XYLT1: variants seen among roughly 807,000 people sequenced by gnomAD.
The protein encoded by XYLT1 is beta-D-xylosyltransferase 1.
XYLT1 carries 36 observed loss-of-function variants against 91.3 expected under a neutral mutation model. The observed-to-expected ratio is 0.39, with a 90% confidence interval of 0.30 to 0.52. XYLT1 has a LOEUF of 0.52. Ranked by LOEUF, XYLT1 falls within the 20% of genes least tolerant of loss-of-function variation. XYLT1 has a pLI of 0.68. For synonymous variants in XYLT1, 588 were observed against 532.0 expected (o/e 1.11, Z -1.45); for missense variants, 1,242 against 1,284.5 (o/e 0.97, Z 0.51).
chr16:17,441,339 G>GA (rs1051935483), intron 1 of XYLT1, among the ~76,000 whole-genome samples: 3 of 151,934 alleles, frequency 2.0e-5, no homozygotes, highest in Non-Finnish European at 2.9e-5. Flanking sequence ...GGGTGTTACT[G>GA]AAAAAAACAC....
chr16:17,153,198 C>A (rs1354798314), intron 6 of XYLT1, among the ~76,000 whole-genome samples: 2 of 152,184 alleles, frequency 1.3e-5, no homozygotes, highest in African/African-American at 4.8e-5. Flanking sequence ...TATATTAATT[C>A]TTGCAACAAC....
intron 5 of XYLT1, among the ~76,000 whole-genome samples, chr16:17,183,715 G>A (rs1456221385): frequency 6.6e-6 from 1 of 152,206 alleles, no homozygotes; most frequent in Non-Finnish European, 1.5e-5. Flanking sequence ...AGCTACTGGA[G>A]TATGGCAGGT....
In XYLT1 at chr16:17,192,271, G is replaced by T. The variant is rs1428039201; in HGVS notation, c.1289+5941C>A. ...CCGCCACCACACCCAGCTACTTTTT[G>T]TATTTTTAGTAGAGATGGGGTTTTA... On this transcript the variant is annotated intron_variant, in intron 5 of 11. Transcript: ENST00000261381. Among the ~76,000 whole-genome samples the T allele has an allele frequency of 2.0e-5, 3 of 151,718 alleles. No individual in the cohort carries two copies. The East Asian group carries it at 5.8e-4, about 29-fold the overall frequency.
At chr16:17,330,634 A>T (rs985286091) in intron 2 of XYLT1, among the ~76,000 whole-genome samples, 6 of 151,960 alleles carry the variant, frequency 3.9e-5, no homozygotes, top group African/African-American at 1.2e-4. Context: ...TAAAAATAAA[A>T]AAAAAAAAAA....
intron 2 of XYLT1, among the ~76,000 whole-genome samples, chr16:17,321,742 T>G (rs988945545): frequency 6.6e-6 from 1 of 152,128 alleles, no homozygotes. Flanking sequence ...TCCATAGACA[T>G]TGTGGTTCCA....
chr16:17,227,106 G>C (rs541513684), intron 3 of XYLT1: 1 of 152,326 alleles, frequency 6.6e-6, no homozygotes, highest in South Asian at 2.1e-4. Context: ...CAGGTACCAG[G>C]GGTGTGAAGA....
rs186118016 is a variant in XYLT1, at chr16:17,147,679, C to A, written c.1371-6310G>T. Among the ~76,000 whole-genome samples, 179 of 152,272 alleles carry A rather than the reference C, an allele frequency of 1.2e-3. 6 individuals carry two copies. The highest frequency in any genetic ancestry group is 0.012 in the Admixed American group (179 of 15,286). On this transcript the variant is annotated intron_variant, in intron 6 of 11. Transcript: ENST00000261381. ...CACAGGGGTGAATGGGGACTTAAGT[C>A]TTGGACTAGGAGATGGTGGCAGAGG...
chr16:17,132,401 GCAGTGAGCAAAGAAAATA>G (rs1196128573), intron 9 of XYLT1, among the ~76,000 whole-genome samples: 1 of 152,136 alleles, frequency 6.6e-6, no homozygotes, highest in East Asian at 1.9e-4. Context: ...GCAGTGGGAG[GCAGTGAGCAAAGAAAATA>G]CAGGGAGAGA....
chr16:17,223,690 C>T lies in XYLT1; in HGVS notation c.914-23036G>A, dbSNP rs376323225. ...AACATGGAGGGGAGTCAATCAGGAA[C>T]ATCTATTTTGGATGGCAGAGGATGA... On this transcript the variant is annotated intron_variant, in intron 3 of 11. Coordinates refer to ENST00000261381, the MANE Select transcript of XYLT1 (RefSeq NM_022166.4). 5.3e-5 allele frequency among the ~76,000 whole-genome samples: 8 copies of T among 152,196 alleles called. No homozygotes were observed. In the East Asian group the frequency reaches 1.2e-3, roughly 22 times the overall value.
rs1368717241 is a variant in XYLT1, at chr16:17,470,634, C to T, written c.163G>A (p.Glu55Lys). Reference sequence around the variant, plus strand: ...GGGGCCGGGGCCGGGGGCGGCTGCTCCCCGCCGCCGACCGCTGCGCCCCCG... The same window carrying T: ...GGGGCCGGGGCCGGGGGCGGCTGCTTCCCGCCGCCGACCGCTGCGCCCCCG... ...RRGGAAVGGG[E>K]QPPPAPAPRR... The change falls in exon 1 of 12, where the codon GAG becomes AAG. Residue 55 changes from glutamate to lysine, a missense_variant. This residue lies in a region of XYLT1 where 437 missense variants were observed against 411.5 expected (regional missense o/e 1.06). Transcript: ENST00000261381. 2.7e-6 allele frequency: 3 copies of T among 1,106,806 alleles called. No individual in the cohort carries two copies. Among genetic ancestry groups the T allele is most frequent in the South Asian group, 2.9e-5 (1 of 33,906 alleles). 68.6% of individuals were successfully genotyped at this position (1,106,806 alleles called of 1,614,324 possible). A position where few individuals can be genotyped will look rare whatever the true frequency, so the allele number is the denominator to read the frequency against.
intron 11 of XYLT1, among the ~76,000 whole-genome samples, chr16:17,112,583 C>G (rs1597126628): frequency 6.6e-6 from 1 of 152,070 alleles, no homozygotes; most frequent in South Asian, 2.1e-4. Context: ...CAGCCATTTA[C>G]TCCCCTCTCC....
chr16:17,370,217 C>T (rs951378870), intron 1 of XYLT1, among the ~76,000 whole-genome samples: 14 of 152,210 alleles, frequency 9.2e-5, no homozygotes, highest in African/African-American at 2.7e-4. Flanking sequence ...GCCAAATTTG[C>T]CAGACCTCAT....
At chr16:17,309,280 TA>T (rs981433477) in intron 2 of XYLT1, among the ~76,000 whole-genome samples, 16 of 152,080 alleles carry the variant, frequency 1.1e-4, no homozygotes, top group African/African-American at 3.1e-4. Flanking sequence ...TTGTAACAAC[TA>T]AAAAAATGTC....
intron 1 of XYLT1, among the ~76,000 whole-genome samples, chr16:17,380,679 G>C (rs1049224555): frequency 5.3e-5 from 8 of 152,194 alleles, no homozygotes; most frequent in African/African-American, 1.9e-4. Context: ...GAAGGGGCTT[G>C]AACAGCTATT....
chr16:17,108,520 T>C lies in XYLT1; in HGVS notation c.*175A>G. 1 of 618,344 alleles carries C rather than the reference T, an allele frequency of 1.6e-6. No homozygotes were observed. Among genetic ancestry groups the C allele is most frequent in the Non-Finnish European group, 2.6e-6 (1 of 377,902 alleles). 38.3% of individuals were successfully genotyped at this position (618,344 alleles called of 1,614,324 possible). ...CCACCCGCAGCTTGCCAAAGGCAGGTTGTTGGCTGATCCTGCTTTGACCTG... is the reference window on the plus strand; with the variant it reads ...CCACCCGCAGCTTGCCAAAGGCAGGCTGTTGGCTGATCCTGCTTTGACCTG... On this transcript the variant is annotated 3_prime_UTR_variant, in exon 12 of 12. Coordinates refer to ENST00000261381, the MANE Select transcript of XYLT1 (RefSeq NM_022166.4).
intron 2 of XYLT1, among the ~76,000 whole-genome samples, chr16:17,331,776 C>T (rs1339965022): frequency 4.5e-4 from 68 of 152,172 alleles, no homozygotes; most frequent in Non-Finnish European, 1.5e-5. Context: ...TCCACTTTTC[C>T]CCACCACACT....
chr16:17,318,181 C>T (rs182832918), intron 2 of XYLT1, among the ~76,000 whole-genome samples: 179 of 152,298 alleles, frequency 1.2e-3, no homozygotes, highest in African/African-American at 4.1e-3. Context: ...CAACACATAG[C>T]GGATGCTGAA....
At chr16:17,173,325 G>A (rs1389397064) in intron 5 of XYLT1, among the ~76,000 whole-genome samples, 1 of 152,248 alleles carries the variant, frequency 6.6e-6, no homozygotes, top group African/African-American at 2.4e-5. Flanking sequence ...GTCACGTGCT[G>A]TTTCAGATGC....
At chr16:17,131,998 C>CG (rs1327929531) in intron 9 of XYLT1, among the ~76,000 whole-genome samples, 2 of 143,546 alleles carry the variant, frequency 1.4e-5, no homozygotes, top group African/African-American at 5.2e-5. Flanking sequence ...GGCAACGTGA[C>CG]GGCTCACTTC....
Sources: allele counts gnomAD v4.1 joint callset (sites outside exome capture counted in the v4.1 genomes callset), GRCh38; gene constraint gnomAD v4.1.1; regional missense constraint gnomAD v4.1.1; transcripts MANE v1.5; gene names NCBI Gene and HGNC (gene_info 2026-07-23, HGNC 2026-07-21).